GPHN: variants seen among roughly 807,000 people sequenced by gnomAD.
GPHN encodes gephyrin.
A neutral mutation model predicts 95.5 loss-of-function variants in GPHN; 17 were observed. The ratio of observed to expected loss-of-function variants is 0.18; its 90% CI spans 0.12 to 0.27. The LOEUF (loss-of-function observed/expected upper bound fraction) is 0.27, where lower values mean the gene tolerates loss of function less well. Among genes scored for constraint, GPHN ranks in the 10% least tolerant of loss-of-function variants. The probability of loss-of-function intolerance (pLI) is 1.00; values close to 1 mark genes in which losing one functional copy is unlikely to be tolerated. For synonymous variants in GPHN, 320 were observed against 322.5 expected (o/e 0.99, Z 0.08); for missense variants, 660 against 978.1 (o/e 0.67, Z 4.34).
intron 1 of GPHN, among the ~76,000 whole-genome samples, chr14:66,515,280 A>T (rs1465686822): frequency 6.6e-6 from 1 of 152,134 alleles, no homozygotes; most frequent in Non-Finnish European, 1.5e-5. Context: ...GGTGTTTAAT[A>T]AAAAAATTGG....
chr14:67,289,675 G>A, the GPHN span, among the ~76,000 whole-genome samples: 1 of 151,780 alleles, frequency 6.6e-6, no homozygotes, highest in African/African-American at 2.4e-5. Flanking sequence ...TCAAATTGTG[G>A]GATACAAGAT....
At position 66,873,286 on chromosome 14, in the gene GPHN, C is replaced by T. The variant is rs982509371; in HGVS notation, c.295-6653C>T. Reference sequence around the variant, plus strand: ...CAAACCGCAGACCAGGAGATTCCCTCGGGTGCCCACACCACCAGGACCCTG... The same window carrying T: ...CAAACCGCAGACCAGGAGATTCCCTTGGGTGCCCACACCACCAGGACCCTG... On this transcript the variant is annotated intron_variant, in intron 4 of 22. Transcript: ENST00000478722. Among the ~76,000 whole-genome samples, 6 of 152,184 alleles carry T rather than the reference C, an allele frequency of 3.9e-5. No individual in the cohort carries two copies. In the South Asian group the frequency reaches 6.2e-4, roughly 16 times the overall value.
At chr14:67,496,390 C>CTTTTTTT in the GPHN span, among the ~76,000 whole-genome samples, 3 of 27,632 alleles carry the variant, frequency 1.1e-4, no homozygotes, top group Admixed American at 8.0e-4. Context: ...ACTGCTCCGG[C>CTTTTTTT]GTTTTTTTTT....
intron 21 of GPHN, among the ~76,000 whole-genome samples, chr14:67,170,882 A>G (rs1294870215): frequency 6.6e-6 from 1 of 152,248 alleles, no homozygotes; most frequent in African/African-American, 2.4e-5. Context: ...CTTTCTGACC[A>G]TAAAAGATGC....
the GPHN span, chr14:67,581,926 C>A: frequency 1.3e-6 from 1 of 751,594 alleles, no homozygotes. Context: ...TTATATGTTT[C>A]TGGAGGCAAT....
chr14:66,683,349 T>A lies in GPHN; in HGVS notation c.143+2164T>A, dbSNP rs1318571639. Among the ~76,000 whole-genome samples the A allele has an allele frequency of 5.5e-5, 5 of 91,712 alleles. 1 individual carries two copies. Among genetic ancestry groups the A allele is most frequent in the Non-Finnish European group, 9.3e-5 (5 of 53,904 alleles). The allele number at this position is 91,712 out of a possible 152,430, so 60.2% of individuals were successfully genotyped here. A position where few individuals can be genotyped will look rare whatever the true frequency, so the allele number is the denominator to read the frequency against. On this transcript the variant is annotated intron_variant, in intron 2 of 22. Coordinates refer to ENST00000478722, the MANE Select transcript of GPHN (RefSeq NM_020806.5). ...GTGGAAATATATATATATATATATATATATATATATATATATATATATATA... is the reference window on the plus strand; with the variant it reads ...GTGGAAATATATATATATATATATAAATATATATATATATATATATATATA...
At chr14:67,698,955 AAAG>A in the GPHN span, among the ~76,000 whole-genome samples, 1 of 152,154 alleles carries the variant, frequency 6.6e-6, no homozygotes, top group Non-Finnish European at 1.5e-5. Context: ...AGAGAACTCT[AAAG>A]AAGATAAAAG....
At chr14:66,579,446 A>G (rs191199931) in intron 1 of GPHN, among the ~76,000 whole-genome samples, 6 of 151,870 alleles carry the variant, frequency 4.0e-5, no homozygotes, top group African/African-American at 1.4e-4. Context: ...TCCAAACTAT[A>G]TGCTGTTAAT....
At chr14:67,249,044 C>T in the GPHN span, among the ~76,000 whole-genome samples, 1 of 151,952 alleles carries the variant, frequency 6.6e-6, no homozygotes, top group South Asian at 2.1e-4. Context: ...CTCACTGCAA[C>T]CTCTGCCTCC....
intron 17 of GPHN, among the ~76,000 whole-genome samples, chr14:67,132,236 G>C (rs2153698013): frequency 6.6e-6 from 1 of 152,344 alleles, no homozygotes; most frequent in Non-Finnish European, 1.5e-5. Flanking sequence ...TTTGGGCAAA[G>C]CCGAGTGCCT....
chr14:67,066,510 T>C (rs1234769812), intron 11 of GPHN, among the ~76,000 whole-genome samples: 1 of 152,292 alleles, frequency 6.6e-6, no homozygotes, highest in African/African-American at 2.4e-5. Flanking sequence ...CTTGATAATG[T>C]CCTAAAGAGT....
intron 1 of GPHN, among the ~76,000 whole-genome samples, chr14:66,551,985 A>T (rs1201452736): frequency 6.6e-6 from 1 of 152,186 alleles, no homozygotes; most frequent in Non-Finnish European, 1.5e-5. Context: ...TTCATGCCCC[A>T]AAGAGAAACC....
chr14:67,605,616 A>G, the GPHN span, among the ~76,000 whole-genome samples: 1 of 152,170 alleles, frequency 6.6e-6, no homozygotes, highest in Non-Finnish European at 1.5e-5. Context: ...CTGCCACCTA[A>G]GTATTTCCTC....
At chr14:67,283,830 C>T in the GPHN span, among the ~76,000 whole-genome samples, 7 of 152,164 alleles carry the variant, frequency 4.6e-5, no homozygotes, top group South Asian at 8.3e-4. Context: ...TGACACAATA[C>T]GTTGAAACTT....
rs139909238 is a variant in GPHN at position 66,758,275 on chromosome 14, G to A, written c.144-18189G>A. Among the ~76,000 whole-genome samples, 17 of 152,268 alleles carry A rather than the reference G, an allele frequency of 1.1e-4. No individual in the cohort carries two copies. In the East Asian group the frequency reaches 3.1e-3, roughly 28 times the overall value. On this transcript the variant is annotated intron_variant, in intron 2 of 22. Transcript: ENST00000478722. ...TTAAACTGTCTTTGGCTTGAAAGTG[G>A]GATTTCACAGGGGACCCACCCCCTA... is the stretch of plus-strand genomic sequence containing the variant.
chr14:67,006,313 C>CTTTTTTTCTCTTT (rs2072606769), intron 9 of GPHN, among the ~76,000 whole-genome samples: 1 of 151,940 alleles, frequency 6.6e-6, no homozygotes, highest in Admixed American at 6.6e-5. Context: ...CCTCAGGATA[C>CTTTTTTTCTCTTT]CAAAAAAAGG....
rs146161989 is a variant in GPHN at position 66,746,312 on chromosome 14, A to G, written c.144-30152A>G. 7.2e-5 allele frequency among the ~76,000 whole-genome samples: 11 copies of G among 152,268 alleles called. No individual in the cohort carries two copies. In the East Asian group the frequency reaches 1.7e-3, roughly 24 times the overall value. On this transcript the variant is annotated intron_variant, in intron 2 of 22. Transcript: ENST00000478722. ...TAGGCTCAATCAATTGTCTTATCCC[A>G]TGTGAATTTGTATCCTGTATTACTT...
chr14:67,374,580 A>C, the GPHN span: 1 of 1,383,874 alleles, frequency 7.2e-7, no homozygotes, highest in Non-Finnish European at 1.0e-6. Context: ...TTAGTCCACT[A>C]TCTGTGTGTT....
intron 13 of GPHN, among the ~76,000 whole-genome samples, chr14:67,103,209 A>G (rs923103586): frequency 3.3e-5 from 5 of 152,080 alleles, no homozygotes; most frequent in Admixed American, 2.0e-4. Context: ...ATTCTGATCC[A>G]TTGGTCAATG....
Sources: gnomAD v4.1 joint callset for allele counts (sites outside exome capture counted in the v4.1 genomes callset) on GRCh38, gnomAD v4.1.1 for gene constraint, MANE v1.5 for transcripts, NCBI Gene and HGNC (gene_info 2026-07-23, HGNC 2026-07-21) for gene names.